LTN1: variants seen among roughly 807,000 people sequenced by gnomAD.
LTN1 encodes the protein E3 ubiquitin-protein ligase listerin.
A neutral mutation model predicts 201.2 loss-of-function variants in LTN1; 88 were observed. The observed-to-expected ratio is 0.44, with a 90% CI of 0.37 to 0.52. LTN1 has a LOEUF of 0.52. Among genes scored for constraint, LTN1 ranks in the 20% least tolerant of loss-of-function variants. The pLI is 0.00. For synonymous variants in LTN1, 645 were observed against 713.5 expected (o/e 0.90, Z 1.53); for missense variants, 1,752 against 2,038.7 (o/e 0.86, Z 2.71).
At chr21:28,940,774 C>T (rs186698100) in intron 25 of LTN1, among the ~76,000 whole-genome samples, 199 of 152,246 alleles carry the variant, frequency 1.3e-3, no homozygotes, top group Middle Eastern at 3.4e-3. Flanking sequence ...ACTTATTAAG[C>T]AGATGGAAGT....
Position 28,943,719 on chromosome 21 carries a change from G to A in LTN1, c.4168C>T (p.Leu1390Phe). 1 of 1,613,858 alleles carries A rather than the reference G, an allele frequency of 6.2e-7. No individual in the cohort carries two copies. Among genetic ancestry groups the A allele is most frequent in the Non-Finnish European group, 8.5e-7 (1 of 1,179,836 alleles). Residue 1390 changes from leucine to phenylalanine, a missense_variant, in exon 23 of 30, where the codon CTC (leucine) becomes TTC (phenylalanine). This residue lies in a region of LTN1 where 1,211 missense variants were observed against 1,312.8 expected (regional missense o/e 0.92). Coordinates refer to ENST00000361371, the MANE Select transcript of LTN1 (RefSeq NM_015565.3). ...QTLLNTLAPLLLFRARPVQIA... is the reference protein window; with the variant it reads ...QTLLNTLAPLFLFRARPVQIA... ...TGCACAGGCCTAGCTCTGAAGAGGA[G>A]TAATGGGGCCAATGTATTTAACAAA...
chr21:28,944,761 C>CT (rs1362751822), intron 21 of LTN1, among the ~76,000 whole-genome samples, 165 bp from the exon 22 acceptor site: 1 of 152,110 alleles, frequency 6.6e-6, no homozygotes, highest in African/African-American at 2.4e-5. Context: ...ATCAAAATAA[C>CT]TTTTTTCTTC....
chr21:28,943,852 G>A lies in LTN1; in HGVS notation c.4035C>T (p.Pro1345=), dbSNP rs144749686. 1 of 1,613,648 alleles carries A rather than the reference G, an allele frequency of 6.2e-7. No individual in the cohort carries two copies. The highest frequency in any genetic ancestry group is 1.3e-5 in the African/African-American group (1 of 75,000). ...AGATATACGTTAATGTTTCACACAT[G>A]GGTTTCAGCATTGCATTCTGAAAGG... The part of the protein sequence containing the change: ...ETSFQNAMLK[P]MCETLTYISK... Residue 1345 remains proline (P), a synonymous_variant, in exon 23 of 30, where the codon CCC becomes CCT. Transcript: ENST00000361371.
At chr21:28,939,901 A>G (rs2084284123) in intron 25 of LTN1, among the ~76,000 whole-genome samples, 1 of 152,252 alleles carries the variant, frequency 6.6e-6, no homozygotes, top group South Asian at 2.1e-4. Context: ...AGAGAAAACT[A>G]ATCTATTTAA....
rs1283349596 is a variant in LTN1 at position 28,930,403 on chromosome 21, C to G, written c.*45G>C. ...CTTTCAGACGGATCCAAATCCAATG[C>G]CTTTGTTTGATGTACTTCAGGGATC... On this transcript the variant is annotated 3_prime_UTR_variant, in exon 30 of 30. Coordinates refer to ENST00000361371, the MANE Select transcript of LTN1 (RefSeq NM_015565.3). 47 of 1,452,948 alleles carry G rather than the reference C, an allele frequency of 3.2e-5. No individual in the cohort carries two copies. The East Asian group carries it at 1.1e-3, about 33-fold the overall frequency. The allele number at this position is 1,452,948 out of a possible 1,614,324, so 90.0% of individuals were successfully genotyped here.
intron 25 of LTN1, among the ~76,000 whole-genome samples, chr21:28,940,643 A>G (rs1395509037): frequency 1.3e-5 from 2 of 152,216 alleles, no homozygotes; most frequent in African/African-American, 4.8e-5. Context: ...TAAATTATAT[A>G]AATATTATTT....
intron 5 of LTN1, among the ~76,000 whole-genome samples, chr21:28,981,849 C>A (rs771380253): frequency 6.6e-6 from 1 of 152,214 alleles, no homozygotes; most frequent in Non-Finnish European, 1.5e-5. Flanking sequence ...CAAGTAAAAG[C>A]ACTTAATACA....
chr21:28,977,869 A>G (rs189505064), intron 6 of LTN1, among the ~76,000 whole-genome samples: 1 of 152,222 alleles, frequency 6.6e-6, no homozygotes, highest in East Asian at 1.9e-4. Context: ...TAGAGGTTGC[A>G]GTGAGCTGAG....
chr21:28,956,953 G>T lies in LTN1; in HGVS notation c.2893-5C>A. 1 of 1,543,554 alleles carries T rather than the reference G, an allele frequency of 6.5e-7. No individual in the cohort carries two copies. Among genetic ancestry groups the T allele is most frequent in the Non-Finnish European group, 8.8e-7 (1 of 1,137,304 alleles). On this transcript the variant is annotated splice_polypyrimidine_tract_variant and splice_region_variant and intron_variant, in intron 15 of 29. Transcript: ENST00000361371. ...TAAAAGAGGTCTATGTAACCACTGT[G>T]AAAAGAATACGTTATATACAAAATT...
rs142710426 is a variant in LTN1, at chr21:28,941,374, C to G, written c.4328G>C (p.Ser1443Thr). Residue 1443 changes from serine (S) to threonine (T), a missense_variant, in exon 25 of 30, where the codon AGC becomes ACC. By Grantham distance (58) the Ser-to-Thr change is moderately conservative. This residue lies in a region of LTN1 where 1,211 missense variants were observed against 1,312.8 expected (regional missense o/e 0.92). Coordinates refer to ENST00000361371, the MANE Select transcript of LTN1 (RefSeq NM_015565.3). The stretch of plus-strand genomic sequence containing the variant: ...ATTTTCTAGTAAGTCCTCTTGAATG[C>G]TAAGAAGAGACATCAGTGCTGCTGG... ...SPPAALMSLL[S>T]IQEDLLENVL... 1.7e-5 allele frequency: 27 copies of G among 1,612,838 alleles called. No individual in the cohort carries two copies. The highest frequency in any genetic ancestry group is 2.1e-5 in the Non-Finnish European group (25 of 1,179,734).
intron 12 of LTN1, 86 bp from the exon 13 acceptor site, chr21:28,959,783 G>A: frequency 1.7e-6 from 2 of 1,162,596 alleles, no homozygotes; most frequent in Non-Finnish European, 1.2e-6. Context: ...ATAATTCTAT[G>A]GGTCTTTCCT....
chr21:28,938,764 T>C (rs991547982), intron 25 of LTN1, among the ~76,000 whole-genome samples: 9 of 152,184 alleles, frequency 5.9e-5, no homozygotes, highest in Non-Finnish European at 1.2e-4. Flanking sequence ...GCAATACTTA[T>C]GATACATGCT....
At chr21:28,959,897 C>T (rs1263662002) in intron 12 of LTN1, 200 bp from the exon 13 acceptor site, 2 of 472,434 alleles carry the variant, frequency 4.2e-6, no homozygotes, top group Non-Finnish European at 7.3e-6. Flanking sequence ...AAGTAGAAAA[C>T]AGAAATGGTC....
Position 28,935,242 on chromosome 21 carries a change from A to C in LTN1, c.4742T>G (p.Leu1581Trp), listed in dbSNP as rs1430751091. ...ACGCTTCTCACTGCTATTCCACCAC[A>C]ACCTAACCATGGCAGGCAAGTCTTT... The part of the protein sequence containing the change: ...TLKDLPAMVR[L>W]WWNSSEKRVF... The change falls in exon 27 of 30, where the codon TTG becomes TGG. Residue 1581 changes from leucine to tryptophan, a missense_variant. Physicochemically the swap from Leu to Trp is moderately conservative, Grantham distance 61. Transcript: ENST00000361371. The C allele has an allele frequency of 1.2e-6, 2 of 1,613,932 alleles. No individual in the cohort carries two copies. Among genetic ancestry groups the C allele is most frequent in the South Asian group, 2.2e-5 (2 of 91,076 alleles).
chr21:28,947,091 G>T (rs2084343619), intron 19 of LTN1, among the ~76,000 whole-genome samples: 1 of 152,132 alleles, frequency 6.6e-6, no homozygotes, highest in Admixed American at 6.5e-5. Context: ...CATGTAGCAG[G>T]TGCTCATAAA....
At chr21:28,968,136 T>C (rs2084542082) in intron 9 of LTN1, among the ~76,000 whole-genome samples, 1 of 152,202 alleles carries the variant, frequency 6.6e-6, no homozygotes, top group Non-Finnish European at 1.5e-5. Flanking sequence ...TCTGAAAAAG[T>C]TAACCTAAAG....
intron 1 of LTN1, among the ~76,000 whole-genome samples, chr21:28,987,501 C>G (rs1299068070): frequency 6.6e-6 from 1 of 152,144 alleles, no homozygotes; most frequent in Non-Finnish European, 1.5e-5. Flanking sequence ...TGGATACACT[C>G]ATTTCCACAC....
intron 1 of LTN1, among the ~76,000 whole-genome samples, chr21:28,989,122 T>C (rs1005151339): frequency 6.6e-6 from 1 of 152,232 alleles, no homozygotes; most frequent in Non-Finnish European, 1.5e-5. Flanking sequence ...AAGTAGTTAG[T>C]GAATTATAAT....
chr21:28,947,890 T>TAAA (rs35151968), intron 18 of LTN1, among the ~76,000 whole-genome samples: 6,731 of 144,280 alleles, frequency 0.047, 194 homozygotes, highest in Middle Eastern at 0.12. Context: ...TGTCCTCTTT[T>TAAA]AAAAAAAAAA....
Sources: gnomAD v4.1 joint callset for allele counts (sites outside exome capture counted in the v4.1 genomes callset) on GRCh38, gnomAD v4.1.1 for gene constraint, gnomAD v4.1.1 regional missense constraint, MANE v1.5 for transcripts, NCBI Gene and HGNC (gene_info 2026-07-23, HGNC 2026-07-21) for gene names.